ZNF385B: variants seen among roughly 807,000 people sequenced by gnomAD.
ZNF385B encodes zinc finger protein 533.
Under a neutral mutation model 39.2 loss-of-function variants are expected in ZNF385B, and 23 were observed. The observed-to-expected ratio is 0.59, with a 90% confidence interval of 0.42 to 0.83. ZNF385B has a LOEUF of 0.83. Ranked by LOEUF, ZNF385B falls within the 40% of genes least tolerant of loss-of-function variation. ZNF385B has a pLI of 0.00. For synonymous variants in ZNF385B, 205 were observed against 222.6 expected, an observed-to-expected ratio of 0.92 and a Z score of 0.70; for missense variants, 552 against 598.9, an observed-to-expected ratio of 0.92 and a Z score of 0.82.
intron 1 of ZNF385B, among the ~76,000 whole-genome samples, chr2:179,805,035 A>G (rs1321041586): frequency 6.6e-6 from 1 of 152,186 alleles, no homozygotes; most frequent in Non-Finnish European, 1.5e-5. Flanking sequence ...CTCATGTTGA[A>G]TCTGGCCTTG....
intron 6 of ZNF385B, among the ~76,000 whole-genome samples, chr2:179,465,632 C>A (rs889299846): frequency 2.6e-5 from 4 of 152,188 alleles, no homozygotes; most frequent in South Asian, 2.1e-4. Flanking sequence ...CCTTATTCAC[C>A]GTTTAAACTA....
chr2:179,696,822 G>A (rs1277069969), intron 3 of ZNF385B, among the ~76,000 whole-genome samples: 2 of 152,180 alleles, frequency 1.3e-5, no homozygotes, highest in Admixed American at 6.5e-5. Flanking sequence ...GGTTTGGAAA[G>A]CTTAGTATGA....
chr2:179,753,148 A>T (rs1248273529), intron 3 of ZNF385B, among the ~76,000 whole-genome samples: 1 of 152,236 alleles, frequency 6.6e-6, no homozygotes, highest in Admixed American at 6.5e-5. Context: ...AGCTTTCTAC[A>T]TATGGTTAGC....
intron 3 of ZNF385B, among the ~76,000 whole-genome samples, chr2:179,606,380 A>T (rs573574271): frequency 1.3e-5 from 2 of 152,322 alleles, no homozygotes; most frequent in Non-Finnish European, 2.9e-5. Context: ...CACAAGTACA[A>T]GGAAGTTACA....
At chr2:179,489,778 T>C (rs530621617) in intron 5 of ZNF385B, among the ~76,000 whole-genome samples, 5 of 152,204 alleles carry the variant, frequency 3.3e-5, no homozygotes, top group Non-Finnish European at 7.3e-5. Flanking sequence ...ATATTTGCAA[T>C]TGTAAGGCCT....
chr2:179,791,256 A>C (rs535967990), intron 1 of ZNF385B, among the ~76,000 whole-genome samples: 1 of 152,334 alleles, frequency 6.6e-6, no homozygotes, highest in East Asian at 1.9e-4. Context: ...CCAAACAAAT[A>C]AACAGTAGCA....
chr2:179,460,309 CCTCA>C (rs760859727), intron 6 of ZNF385B, among the ~76,000 whole-genome samples: 100 of 152,150 alleles, frequency 6.6e-4, no homozygotes, highest in Non-Finnish European at 1.3e-3. Context: ...GGCTGGCTGT[CCTCA>C]CTCAGTCCTG....
At position 179,564,885 on chromosome 2, in the gene ZNF385B, C is replaced by T. The variant is rs534625949; in HGVS notation, c.299-19916G>A. ...AGCCTCCCTGCCCCTATCCCCTCAC[C>T]TCACTCCCTAAAGGATATTTCTTCT... On this transcript the variant is annotated intron_variant, in intron 3 of 9. Transcript: ENST00000410066. Among the ~76,000 whole-genome samples, 7 of 152,258 alleles carry T rather than the reference C, an allele frequency of 4.6e-5. No homozygotes were observed. The East Asian group carries it at 1.4e-3, about 29-fold the overall frequency.
chr2:179,715,380 G>A (rs1253019662), intron 3 of ZNF385B, among the ~76,000 whole-genome samples: 2 of 152,124 alleles, frequency 1.3e-5, no homozygotes, highest in African/African-American at 4.8e-5. Context: ...AAATGTCTAA[G>A]ATGTCATATA....
At chr2:179,627,680 G>A (rs915416723) in intron 3 of ZNF385B, among the ~76,000 whole-genome samples, 5 of 152,164 alleles carry the variant, frequency 3.3e-5, no homozygotes, top group African/African-American at 1.2e-4. Context: ...TTCACATGTT[G>A]CAAACTGGTA....
At chr2:179,786,327 A>C (rs1025151772) in intron 1 of ZNF385B, among the ~76,000 whole-genome samples, 1 of 152,090 alleles carries the variant, frequency 6.6e-6, no homozygotes, top group African/African-American at 2.4e-5. Context: ...GTATTTTTAG[A>C]GTATATTTGT....
chr2:179,822,494 G>C (rs1434126604), intron 1 of ZNF385B, among the ~76,000 whole-genome samples: 3 of 152,128 alleles, frequency 2.0e-5, no homozygotes, highest in African/African-American at 7.2e-5. Flanking sequence ...CAGCAACATA[G>C]ACCTTGGTGG....
intron 3 of ZNF385B, among the ~76,000 whole-genome samples, chr2:179,628,938 T>C (rs1690926713): frequency 6.6e-6 from 1 of 152,228 alleles, no homozygotes; most frequent in Non-Finnish European, 1.5e-5. Flanking sequence ...AGAAAGCTTA[T>C]TTTCTTTTTT....
At chr2:179,713,784 T>A (rs1434257798) in intron 3 of ZNF385B, among the ~76,000 whole-genome samples, 2 of 152,202 alleles carry the variant, frequency 1.3e-5, no homozygotes, top group African/African-American at 2.4e-5. Context: ...ATTAGATGAA[T>A]CCTAAGTGTT....
At chr2:179,786,017 C>A (rs1704974019) in intron 1 of ZNF385B, among the ~76,000 whole-genome samples, 2 of 152,090 alleles carry the variant, frequency 1.3e-5, no homozygotes, top group African/African-American at 4.8e-5. Context: ...ATTGCCACTG[C>A]CACCCCAACC....
intron 3 of ZNF385B, among the ~76,000 whole-genome samples, chr2:179,615,632 G>A (rs1009654654): frequency 1.3e-5 from 2 of 152,182 alleles, no homozygotes; most frequent in African/African-American, 4.8e-5. Flanking sequence ...ATCTGTTATA[G>A]AACAGTGTTT....
intron 6 of ZNF385B, among the ~76,000 whole-genome samples, chr2:179,464,105 T>C (rs2051688040): frequency 6.6e-6 from 1 of 152,266 alleles, no homozygotes; most frequent in African/African-American, 2.4e-5. Context: ...TGACCAGTGA[T>C]GATGAGCATT....
At chr2:179,712,808 T>C (rs939864259) in intron 3 of ZNF385B, among the ~76,000 whole-genome samples, 5 of 152,362 alleles carry the variant, frequency 3.3e-5, no homozygotes, top group African/African-American at 1.2e-4. Context: ...CTTCAATCCA[T>C]TGTGTAGACA....
At chr2:179,468,407 G>C (rs1454755300) in intron 6 of ZNF385B, among the ~76,000 whole-genome samples, 1 of 152,166 alleles carries the variant, frequency 6.6e-6, no homozygotes, top group Admixed American at 6.6e-5. Flanking sequence ...TTGTCACCAA[G>C]AGATGTGAAA....
Sources: allele counts gnomAD v4.1 joint callset (sites outside exome capture counted in the v4.1 genomes callset), GRCh38; gene constraint gnomAD v4.1.1; transcripts MANE v1.5; gene names NCBI Gene and HGNC (gene_info 2026-07-23, HGNC 2026-07-21).